Variants in XKR4 observed in about 807,000 individuals in gnomAD.
The protein encoded by XKR4 is XK-related protein 4.
XKR4 carries 12 observed loss-of-function variants against 53.9 expected under a neutral mutation model. That is an observed-to-expected ratio of 0.22 (90% CI 0.14 to 0.36). XKR4 has a LOEUF of 0.36. XKR4 is among the 10% of genes least tolerant of loss of function. The pLI is 1.00. For missense variants in XKR4, 799 were observed against 859.5 expected (o/e 0.93, Z 0.88); for synonymous variants, 354 against 362.4 (o/e 0.98, Z 0.26).
At chr8:55,175,787 G>A (rs1285431656) in intron 1 of XKR4, among the ~76,000 whole-genome samples, 1 of 152,196 alleles carries the variant, frequency 6.6e-6, no homozygotes, top group Non-Finnish European at 1.5e-5. Flanking sequence ...GACCATATCA[G>A]TGTGTAATAA....
At chr8:55,468,475 G>A (rs1156435951) in intron 2 of XKR4, among the ~76,000 whole-genome samples, 1 of 151,476 alleles carries the variant, frequency 6.6e-6, no homozygotes, top group Non-Finnish European at 1.5e-5. Flanking sequence ...CTTAATATGG[G>A]ACCTAAAACA....
chr8:55,448,970 T>G (rs983754473), intron 2 of XKR4, among the ~76,000 whole-genome samples: 1 of 152,202 alleles, frequency 6.6e-6, no homozygotes, highest in African/African-American at 2.4e-5. Context: ...AAGAGCATTT[T>G]GCATTGAACT....
intron 2 of XKR4, among the ~76,000 whole-genome samples, chr8:55,487,895 T>G (rs747233713): frequency 5.4e-4 from 83 of 152,310 alleles, no homozygotes; most frequent in Non-Finnish European, 8.8e-4. Flanking sequence ...TAGCAGATAA[T>G]AGTTCCGCTT....
intron 2 of XKR4, among the ~76,000 whole-genome samples, chr8:55,431,452 C>G (rs1805103088): frequency 6.6e-6 from 1 of 152,142 alleles, no homozygotes; most frequent in Non-Finnish European, 1.5e-5. Flanking sequence ...GTAACTACAA[C>G]TAAAGATCAA....
intron 2 of XKR4, among the ~76,000 whole-genome samples, chr8:55,419,829 G>A (rs1313664958): frequency 6.6e-6 from 1 of 152,176 alleles, no homozygotes; most frequent in Non-Finnish European, 1.5e-5. Context: ...AAAATTGGAT[G>A]GGTAGAGTGG....
chr8:55,436,601 C>T (rs1023552959), intron 2 of XKR4, among the ~76,000 whole-genome samples: 1 of 152,120 alleles, frequency 6.6e-6, no homozygotes, highest in Non-Finnish European at 1.5e-5. Flanking sequence ...ACTTTTCTTC[C>T]TGTGGTCTTT....
At chr8:55,501,288 TG>T (rs1806431879) in intron 2 of XKR4, among the ~76,000 whole-genome samples, 1 of 152,354 alleles carries the variant, frequency 6.6e-6, no homozygotes, top group African/African-American at 2.4e-5. Flanking sequence ...ATAAAATTTA[TG>T]GTTTGATATT....
intron 1 of XKR4, among the ~76,000 whole-genome samples, chr8:55,305,348 C>T (rs1198093873): frequency 1.3e-5 from 2 of 152,090 alleles, no homozygotes; most frequent in African/African-American, 4.8e-5. Flanking sequence ...GGCCCCAGTT[C>T]TCCTGGAGTG....
intron 2 of XKR4, among the ~76,000 whole-genome samples, chr8:55,360,290 T>G (rs1803881590): frequency 6.6e-6 from 1 of 152,228 alleles, no homozygotes; most frequent in Non-Finnish European, 1.5e-5. Flanking sequence ...TGATTCCTTT[T>G]GCATTTTGAA....
intron 1 of XKR4, among the ~76,000 whole-genome samples, chr8:55,233,773 A>G (rs1342203384): frequency 6.6e-6 from 1 of 152,252 alleles, no homozygotes; most frequent in Non-Finnish European, 1.5e-5. Context: ...CCTTAAACCC[A>G]TTGAAACACC....
intron 2 of XKR4, among the ~76,000 whole-genome samples, chr8:55,420,194 C>T (rs1254343507): frequency 6.6e-6 from 1 of 152,066 alleles, no homozygotes; most frequent in Non-Finnish European, 1.5e-5. Flanking sequence ...GAGTCAACCC[C>T]AGTGAAAAGA....
At chr8:55,473,982 T>C (rs942454561) in intron 2 of XKR4, among the ~76,000 whole-genome samples, 1 of 152,010 alleles carries the variant, frequency 6.6e-6, no homozygotes, top group Non-Finnish European at 1.5e-5. Context: ...CATAGCTCAT[T>C]GCAACCTCCA....
At chr8:55,155,044 G>A (rs956692491) in intron 1 of XKR4, among the ~76,000 whole-genome samples, 1 of 152,198 alleles carries the variant, frequency 6.6e-6, no homozygotes, top group Admixed American at 6.5e-5. Flanking sequence ...CAGGAAAACA[G>A]ATGACTTCTC....
intron 1 of XKR4, among the ~76,000 whole-genome samples, chr8:55,147,615 A>G (rs1288019855): frequency 6.6e-6 from 1 of 152,110 alleles, no homozygotes; most frequent in African/African-American, 2.4e-5. Context: ...TCCCTTTCCC[A>G]GGCCTCTAAA....
intron 2 of XKR4, among the ~76,000 whole-genome samples, chr8:55,463,225 G>A (rs9772550): frequency 0.41 from 62,252 of 151,872 alleles, 13,380 homozygotes; most frequent in East Asian, 0.53. Context: ...ATAGTTGGAA[G>A]TAAAGCACTC....
intron 1 of XKR4, among the ~76,000 whole-genome samples, chr8:55,317,798 G>A (rs1803115916): frequency 6.6e-6 from 1 of 152,210 alleles, no homozygotes; most frequent in African/African-American, 2.4e-5. Flanking sequence ...AATACAGAGA[G>A]TTGATGATTG....
intron 1 of XKR4, among the ~76,000 whole-genome samples, chr8:55,124,636 T>A (rs1253612935): frequency 6.6e-6 from 1 of 152,248 alleles, no homozygotes; most frequent in Non-Finnish European, 1.5e-5. Flanking sequence ...CTCAATAATT[T>A]AGTGACATTT....
chr8:55,277,832 A>G (rs555154896), intron 1 of XKR4, among the ~76,000 whole-genome samples: 28 of 152,240 alleles, frequency 1.8e-4, no homozygotes, highest in South Asian at 8.3e-4. Flanking sequence ...ACAAATTGCT[A>G]AATGAAATAT....
At chr8:55,518,046 G>A (rs1423860148) in intron 2 of XKR4, among the ~76,000 whole-genome samples, 3 of 152,166 alleles carry the variant, frequency 2.0e-5, no homozygotes, top group Non-Finnish European at 4.4e-5. Flanking sequence ...TCCTTAGAGA[G>A]AAAGAAAAAG....
Sources: gnomAD v4.1 joint callset for allele counts (sites outside exome capture counted in the v4.1 genomes callset) on GRCh38, gnomAD v4.1.1 for gene constraint, MANE v1.5 for transcripts, NCBI Gene and HGNC (gene_info 2026-07-23, HGNC 2026-07-21) for gene names.